The following RFX4 variants were observed in gnomAD, a reference collection of about 807,000 sequenced individuals.
The protein encoded by RFX4 is regulatory factor X4.
A neutral mutation model predicts 95.0 loss-of-function variants in RFX4; 10 were observed. The ratio of observed to expected loss-of-function variants is 0.11; its 90% CI spans 0.06 to 0.18. The LOEUF is 0.18. Ranked by LOEUF, RFX4 falls within the 10% of genes least tolerant of loss-of-function variation. The pLI is 1.00. For synonymous variants in RFX4, 321 were observed against 340.7 expected (o/e 0.94, Z 0.64); for missense variants, 640 against 922.0 (o/e 0.69, Z 3.96).
intron 2 of RFX4, among the ~76,000 whole-genome samples, chr12:106,618,134 C>G (rs762316922): frequency 6.6e-6 from 1 of 152,066 alleles, no homozygotes; most frequent in Admixed American, 6.6e-5. Flanking sequence ...TGAATGTATA[C>G]TGGATGGAGT....
intron 4 of RFX4, among the ~76,000 whole-genome samples, chr12:106,671,023 C>T (rs1218014151): frequency 6.6e-6 from 1 of 152,080 alleles, no homozygotes; most frequent in East Asian, 1.9e-4. Flanking sequence ...AAAACAGGAA[C>T]TTGTCATTGT....
chr12:106,691,880 C>T (rs1005174338), intron 7 of RFX4, among the ~76,000 whole-genome samples: 1 of 152,098 alleles, frequency 6.6e-6, no homozygotes, highest in Non-Finnish European at 1.5e-5. Flanking sequence ...AATCTGAGGC[C>T]GGGCGCAGTG....
rs773372023 is a variant in RFX4 at position 106,750,727 on chromosome 12, C to T, written c.1869C>T (p.Ala623=). 4 of 1,612,276 alleles carry T rather than the reference C, an allele frequency of 2.5e-6. No homozygotes were observed. The highest frequency in any genetic ancestry group is 3.4e-6 in the Non-Finnish European group (4 of 1,179,370). Residue 623 remains alanine (A), a synonymous_variant, in exon 17 of 18, where the codon GCC becomes GCT. Transcript: ENST00000392842. ...HPHPMQSQYP[A]LPHDTAISGP... Reference sequence around the variant, plus strand: ...ACCCCATGCAGAGCCAGTATCCGGCCCTCCCTCATGACACAGCTATCTCTG... The same window carrying T: ...ACCCCATGCAGAGCCAGTATCCGGCTCTCCCTCATGACACAGCTATCTCTG...
intron 3 of RFX4, chr12:106,645,774 A>G (rs2040732272): frequency 1.8e-6 from 1 of 557,826 alleles, no homozygotes; most frequent in Admixed American, 2.7e-5. Flanking sequence ...CTTGATTCTT[A>G]CTCAACAGTG....
chr12:106,606,512 C>A (rs901185531), intron 1 of RFX4, among the ~76,000 whole-genome samples: 2 of 152,142 alleles, frequency 1.3e-5, no homozygotes, highest in Non-Finnish European at 1.5e-5. Flanking sequence ...AGATGTGTAA[C>A]CAGATGTGCG....
intron 8 of RFX4, among the ~76,000 whole-genome samples, chr12:106,705,217 A>G (rs2042061190): frequency 6.6e-6 from 1 of 152,240 alleles, no homozygotes; most frequent in East Asian, 1.9e-4. Context: ...GTAGCTTGGC[A>G]CATTGCACTC....
At chr12:106,726,528 C>T (rs1010368417) in intron 13 of RFX4, among the ~76,000 whole-genome samples, 5 of 152,194 alleles carry the variant, frequency 3.3e-5, no homozygotes, top group African/African-American at 1.2e-4. Context: ...TCAAAAATTA[C>T]TTAGTATTCC....
intron 5 of RFX4, chr12:106,684,807 T>C: frequency 1.9e-6 from 3 of 1,551,526 alleles, no homozygotes; most frequent in Middle Eastern, 1.7e-4. Flanking sequence ...ATAACCATAC[T>C]GGCAAAATGA....
chr12:106,656,829 C>A (rs1022366005), intron 4 of RFX4, among the ~76,000 whole-genome samples: 6 of 152,188 alleles, frequency 3.9e-5, no homozygotes, highest in Admixed American at 3.9e-4. Context: ...TTTTTCTGAA[C>A]AATACATTTC....
intron 15 of RFX4, among the ~76,000 whole-genome samples, chr12:106,737,700 G>C (rs2042738221): frequency 6.6e-6 from 1 of 152,104 alleles, no homozygotes; most frequent in African/African-American, 2.4e-5. Flanking sequence ...GTGGCCCTCT[G>C]TCAGGGACAG....
chr12:106,642,096 C>T (rs1162366987), intron 3 of RFX4, among the ~76,000 whole-genome samples: 3 of 151,730 alleles, frequency 2.0e-5, no homozygotes, highest in African/African-American at 4.8e-5. Context: ...CTGTAACCTC[C>T]GCCTCTTGGG....
At chr12:106,758,160 G>T (rs566783030) in intron 17 of RFX4, among the ~76,000 whole-genome samples, 3 of 152,174 alleles carry the variant, frequency 2.0e-5, no homozygotes, top group Non-Finnish European at 2.9e-5. Flanking sequence ...GTATGAAACC[G>T]GATGTAAAGT....
chr12:106,728,612 T>A (rs983186660), intron 13 of RFX4, among the ~76,000 whole-genome samples: 21 of 152,238 alleles, frequency 1.4e-4, no homozygotes, highest in Admixed American at 6.5e-4. Context: ...ATAAATAAAG[T>A]GGGATGTTCG....
At chr12:106,627,439 G>A (rs185100882) in intron 2 of RFX4, among the ~76,000 whole-genome samples, 1 of 152,240 alleles carries the variant, frequency 6.6e-6, no homozygotes, top group Non-Finnish European at 1.5e-5. Flanking sequence ...GGAGGCTGAG[G>A]CAGGAGGATT....
chr12:106,723,351 C>T (rs1011454666), intron 13 of RFX4, among the ~76,000 whole-genome samples: 6 of 152,154 alleles, frequency 3.9e-5, no homozygotes, highest in South Asian at 2.1e-4. Flanking sequence ...TCTTTTTAGT[C>T]GACTGATCTG....
intron 15 of RFX4, among the ~76,000 whole-genome samples, chr12:106,739,441 C>G (rs919244089): frequency 6.6e-6 from 1 of 151,988 alleles, no homozygotes; most frequent in African/African-American, 2.4e-5. Flanking sequence ...AAAATTAATT[C>G]ATTGCACATA....
intron 15 of RFX4, among the ~76,000 whole-genome samples, chr12:106,747,235 C>G (rs2042913350): frequency 6.6e-6 from 1 of 152,050 alleles, no homozygotes; most frequent in Non-Finnish European, 1.5e-5. Context: ...ACTCTGGAGA[C>G]AATGAAAGAT....
chr12:106,609,135 C>T (rs2039903000), intron 2 of RFX4, among the ~76,000 whole-genome samples: 1 of 152,206 alleles, frequency 6.6e-6, no homozygotes, highest in African/African-American at 2.4e-5. Flanking sequence ...AGGAGACTTG[C>T]TAGCCTGCAT....
intron 2 of RFX4, among the ~76,000 whole-genome samples, chr12:106,632,005 G>A (rs2040425022): frequency 6.6e-6 from 1 of 152,224 alleles, no homozygotes; most frequent in African/African-American, 2.4e-5. Flanking sequence ...ACAGCTGTAT[G>A]TGCTTGGTAC....
Sources: gnomAD v4.1 joint callset for allele counts (sites outside exome capture counted in the v4.1 genomes callset) on GRCh38, gnomAD v4.1.1 for gene constraint, MANE v1.5 for transcripts, NCBI Gene and HGNC (gene_info 2026-07-23, HGNC 2026-07-21) for gene names.